Variants in GON4L observed in about 807,000 individuals in gnomAD.
The protein encoded by GON4L is GON-4-like protein.
A neutral mutation model predicts 211.8 loss-of-function variants in GON4L; 87 were observed. The ratio of observed to expected loss-of-function variants is 0.41; its 90% CI spans 0.35 to 0.49. GON4L has a LOEUF of 0.49. Ranked by LOEUF, GON4L falls within the 20% of genes least tolerant of loss-of-function variation. The pLI is 0.15. For missense variants in GON4L, 2,155 were observed against 2,659.5 expected (o/e 0.81, Z 4.17); for synonymous variants, 875 against 962.6 (o/e 0.91, Z 1.68).
chr1:155,825,223 C>G (rs928720951), intron 3 of GON4L, among the ~76,000 whole-genome samples: 1 of 151,836 alleles, frequency 6.6e-6, no homozygotes, highest in Non-Finnish European at 1.5e-5. Context: ...GAATGATATA[C>G]AGCAATAAAA....
At position 155,795,136 on chromosome 1, in the gene GON4L, T is replaced by C; in HGVS notation, c.1661A>G (p.Asp554Gly). The change falls in exon 12 of 32, where the codon GAT becomes GGT. Residue 554 changes from aspartate to glycine, a missense_variant. This residue lies in a region of GON4L where 551 missense variants were observed against 854.0 expected (regional missense o/e 0.65). Transcript: ENST00000368331. ...DVGNEDEADD[D>G]DDPEYNFLED... is the part of the protein sequence containing the mutation. ...CAGGAAATTATATTCTGGATCATCA[T>C]CATCATCTGCTTCATCTAGGAAAAA... The C allele has an allele frequency of 6.3e-7, 1 of 1,596,754 alleles. No homozygotes were observed. The highest frequency in any genetic ancestry group is 8.6e-7 in the Non-Finnish European group (1 of 1,164,132).
In GON4L at chr1:155,763,446, T is replaced by G. The variant is rs201126347; in HGVS notation, c.4592A>C (p.Glu1531Ala). The G allele has an allele frequency of 5.1e-5, 80 of 1,560,974 alleles. No homozygotes were observed. Among genetic ancestry groups the G allele is most frequent in the Admixed American group, 1.2e-4 (6 of 51,538 alleles). Residue 1531 changes from glutamate (E) to alanine (A), a missense_variant, in exon 22 of 32, where the codon GAA becomes GCA. Physicochemically the swap from Glu to Ala is moderately radical, Grantham distance 107. Coordinates refer to ENST00000368331, the MANE Select transcript of GON4L (RefSeq NM_001282860.2). ...NSEPEEEEEE[E>A]AEGMESLQKE... ...CTGCAGGCTTTCCATTCCTTCTGCT[T>G]CTTCTTCCTCCTCTTCTTCTGGCTC...
intron 16 of GON4L, among the ~76,000 whole-genome samples, chr1:155,776,019 A>G (rs822027): frequency 0.94 from 142,473 of 152,186 alleles, 67,452 homozygotes; most frequent in East Asian, 1. Flanking sequence ...CTGGGGTCAT[A>G]TAATCTGCCT....
chr1:155,777,721 C>T lies in GON4L; in HGVS notation c.1992G>A (p.Leu664=). ...LKMKKSSAKQ[L]QEVEKVKPQS... ...GGGGTTTAACCTTCTCTACTTCCTG[C>T]AGCTGTTTGGCTGAAGATTTCTTCA... is the stretch of plus-strand genomic sequence containing the variant. Residue 664 remains leucine, a synonymous_variant, in exon 15 of 32, where the codon CTG becomes CTA. Coordinates refer to ENST00000368331, the MANE Select transcript of GON4L (RefSeq NM_001282860.2). 6.2e-7 allele frequency: 1 copy of T among 1,612,506 alleles called. No individual in the cohort carries two copies. The highest frequency in any genetic ancestry group is 1.7e-5 in the Admixed American group (1 of 60,008).
chr1:155,780,309 C>T (rs1664291501), intron 14 of GON4L, among the ~76,000 whole-genome samples: 1 of 151,794 alleles, frequency 6.6e-6, no homozygotes, highest in Admixed American at 6.6e-5. Context: ...GGTCAAGAAA[C>T]AGTCGGGCGT....
At chr1:155,856,425 G>A (rs1672291491) in intron 1 of GON4L, among the ~76,000 whole-genome samples, 1 of 149,164 alleles carries the variant, frequency 6.7e-6, no homozygotes, top group Non-Finnish European at 1.5e-5. Flanking sequence ...TTGTAGAGAC[G>A]GGGTCTCGAT....
At chr1:155,745,713 T>G, downstream of GON4L, 1 of 854,546 alleles carries the variant, frequency 1.2e-6, no homozygotes, top group Non-Finnish European at 1.8e-6. Context: ...GGAAAGGATG[T>G]GTTTGCGGAC....
At chr1:155,763,159 A>G (rs1280740376) in intron 22 of GON4L, among the ~76,000 whole-genome samples, 153 bp downstream of exon 22, 1 of 152,182 alleles carries the variant, frequency 6.6e-6, no homozygotes, top group African/African-American at 2.4e-5. Context: ...ACCACATTAA[A>G]CATGTTTTGG....
intron 14 of GON4L, among the ~76,000 whole-genome samples, chr1:155,778,093 G>A (rs1664017356): frequency 6.6e-6 from 1 of 151,998 alleles, no homozygotes; most frequent in Non-Finnish European, 1.5e-5. Context: ...AAATTAAAAT[G>A]CTAGGAACAG....
At chr1:155,842,593 T>C (rs1225681279) in intron 2 of GON4L, among the ~76,000 whole-genome samples, 2 of 149,078 alleles carry the variant, frequency 1.3e-5, no homozygotes, top group African/African-American at 5.0e-5. Context: ...ATCCCAGCAC[T>C]TTGGGAGGCC....
chr1:155,797,978 G>A (rs1042883771), intron 11 of GON4L, among the ~76,000 whole-genome samples: 12 of 151,672 alleles, frequency 7.9e-5, no homozygotes, highest in African/African-American at 2.9e-4. Context: ...CTACTCAGAA[G>A]GCTGAGCTGG....
intron 5 of GON4L, among the ~76,000 whole-genome samples, 190 bp downstream of exon 5, chr1:155,821,283 AT>A (rs111454652): frequency 6.6e-6 from 1 of 151,248 alleles, no homozygotes; most frequent in Non-Finnish European, 1.5e-5. Context: ...AATAATAATA[AT>A]AAAATAATAA....
chr1:155,771,588 TCATC>T (rs1663198981), intron 18 of GON4L, among the ~76,000 whole-genome samples: 1 of 152,158 alleles, frequency 6.6e-6, no homozygotes, highest in Admixed American at 6.5e-5. Context: ...TTCCCGTACT[TCATC>T]CTCCCAAGTA....
At chr1:155,838,726 T>C (rs1228181505) in intron 2 of GON4L, among the ~76,000 whole-genome samples, 1 of 149,206 alleles carries the variant, frequency 6.7e-6, no homozygotes, top group African/African-American at 2.5e-5. Context: ...GCTAAGATTA[T>C]GCCATTGCAC....
intron 8 of GON4L, 43 bp downstream of exon 8, chr1:155,815,762 C>T (rs1179140237): frequency 8.9e-7 from 1 of 1,117,418 alleles, no homozygotes; most frequent in Admixed American, 1.8e-5. Context: ...CAAAGTATAC[C>T]CTGCTCTATT....
At chr1:155,810,552 C>CA (rs1667657596) in intron 10 of GON4L, among the ~76,000 whole-genome samples, 1 of 151,198 alleles carries the variant, frequency 6.6e-6, no homozygotes, top group Non-Finnish European at 1.5e-5. Flanking sequence ...CCAAAAAATA[C>CA]AAAAAATTAG....
intron 2 of GON4L, among the ~76,000 whole-genome samples, chr1:155,835,571 C>A (rs548577241): frequency 5.3e-5 from 8 of 152,038 alleles, no homozygotes; most frequent in African/African-American, 1.4e-4. Context: ...TGGCCACCCC[C>A]TAGGTGCTCT....
intron 11 of GON4L, among the ~76,000 whole-genome samples, chr1:155,795,422 T>G (rs1665969762): frequency 6.6e-6 from 1 of 152,142 alleles, no homozygotes; most frequent in South Asian, 2.1e-4. Flanking sequence ...ATGAAAATAA[T>G]ACTTTCTGTA....
At chr1:155,766,786 C>A in intron 20 of GON4L, 77 bp from the exon 21 acceptor site, 6 of 1,601,756 alleles carry the variant, frequency 3.7e-6, no homozygotes, top group Non-Finnish European at 4.2e-6. Flanking sequence ...TGGCTCACGC[C>A]TGTAATCCCA....
Sources: allele counts gnomAD v4.1 joint callset (sites outside exome capture counted in the v4.1 genomes callset), GRCh38; gene constraint gnomAD v4.1.1; regional missense constraint gnomAD v4.1.1; transcripts MANE v1.5; gene names NCBI Gene and HGNC (gene_info 2026-07-23, HGNC 2026-07-21).